Variants in NOP9 observed in about 807,000 individuals in gnomAD.
The protein encoded by NOP9 is nucleolar protein 9.
In NOP9, 50 loss-of-function variants were observed where a neutral mutation model predicts 63.0. The observed-to-expected ratio is 0.79, with a 90% confidence interval of 0.63 to 1.00. NOP9 has a LOEUF of 1.00. Among genes scored for constraint, NOP9 ranks in the 50% least tolerant of loss-of-function variants. The probability of loss-of-function intolerance (pLI) is 0.00; values close to 1 mark genes in which losing one functional copy is unlikely to be tolerated. For missense variants in NOP9, 758 were observed against 803.0 expected (o/e 0.94, Z 0.68); for synonymous variants, 343 against 332.8 (o/e 1.03, Z -0.33).
Position 24,304,964 on chromosome 14 carries a change from G to C in NOP9, c.1780G>C (p.Asp594His). The C allele has an allele frequency of 6.4e-7, 1 of 1,572,252 alleles. No homozygotes were observed. The highest frequency in any genetic ancestry group is 8.6e-7 in the Non-Finnish European group (1 of 1,161,338). The change falls in exon 10 of 10, where the codon GAC becomes CAC. Residue 594 changes from aspartate (D) to histidine (H), a missense_variant. By Grantham distance (81) the Asp-to-His change is moderately conservative. Transcript: ENST00000267425. ...LGEQNQELIR[D>H]PFGHHVARNV... ...GGAGCAGAACCAGGAGCTGATAAGA[G>C]ACCCTTTCGGCCACCATGTGGCTCG...
At chr14:24,287,859 T>C in the NOP9 span, among the ~76,000 whole-genome samples, 2 of 152,222 alleles carry the variant, frequency 1.3e-5, no homozygotes, top group Non-Finnish European at 2.9e-5. Flanking sequence ...TCTTCCCTGG[T>C]GTCTTGCATG....
At position 24,307,069 on chromosome 14, in the gene NOP9, A is replaced by G. The variant is rs1055549706; in HGVS notation, c.*1974A>G. ...AACTTCCCAAGGTTTGACAGGCAGG[A>G]AGTGGCAGAATCAGAATTTGAACTT... On this transcript the variant is annotated 3_prime_UTR_variant, in exon 10 of 10. Transcript: ENST00000267425. 3.5e-5 allele frequency: 11 copies of G among 309,912 alleles called. No individual in the cohort carries two copies. Among genetic ancestry groups the G allele is most frequent in the African/African-American group, 2.1e-4 (10 of 46,594 alleles). The allele number at this position is 309,912 out of a possible 1,614,324, so 19.2% of individuals were successfully genotyped here.
At position 24,306,058 on chromosome 14, in the gene NOP9, T is replaced by C. The variant is rs768385764; in HGVS notation, c.*963T>C. The stretch of plus-strand genomic sequence containing the variant: ...AAAGAGGTCTCGAGGGTTTTGCTTG[T>C]ACACGTCAAAGGTGAATCGGGCGAT... On this transcript the variant is annotated 3_prime_UTR_variant, in exon 10 of 10. Coordinates refer to ENST00000267425, the MANE Select transcript of NOP9 (RefSeq NM_174913.3). 6.2e-7 allele frequency: 1 copy of C among 1,614,172 alleles called. No homozygotes were observed. Among genetic ancestry groups the C allele is most frequent in the South Asian group, 1.1e-5 (1 of 91,084 alleles).
At chr14:24,278,327 C>G in the NOP9 span, among the ~76,000 whole-genome samples, 1 of 152,170 alleles carries the variant, frequency 6.6e-6, no homozygotes, top group Non-Finnish European at 1.5e-5. Context: ...TGTGGGGGTG[C>G]TGGTGGGATA....
At chr14:24,290,843 T>C in the NOP9 span, 1 of 1,613,284 alleles carries the variant, frequency 6.2e-7, no homozygotes, top group Non-Finnish European at 8.5e-7. Flanking sequence ...AGAGACGTAG[T>C]GTCAGACCAG....
the NOP9 span, chr14:24,290,924 A>C: frequency 1.2e-6 from 2 of 1,614,078 alleles, no homozygotes; most frequent in Non-Finnish European, 1.7e-6. Flanking sequence ...GGCAGGTAGG[A>C]GGCCAGCCAG....
chr14:24,303,945 G>A, intron 7 of NOP9, 88 bp downstream of exon 7: 1 of 1,587,668 alleles, frequency 6.3e-7, no homozygotes, highest in South Asian at 1.1e-5. Context: ...AGGTGAGAGT[G>A]GTGACTTCAT....
chr14:24,304,247 G>A lies in NOP9; in HGVS notation c.1617G>A (p.Lys539=). 6.2e-7 allele frequency: 1 copy of A among 1,614,050 alleles called. No homozygotes were observed. The highest frequency in any genetic ancestry group is 8.5e-7 in the Non-Finnish European group (1 of 1,180,010). The change falls in exon 8 of 10, where the codon AAG becomes AAA. Residue 539 remains lysine (K), a synonymous_variant. Transcript: ENST00000267425. ...AILTSPSVTR[K]LRRRVLQNLK... ...TGACCAGCCCCTCTGTGACGCGCAA[G>A]CTGCGCCGCCGTGTGCTGCAGAACC...
At position 24,308,705 on chromosome 14, in the gene NOP9, GTGA is replaced by G. The variant is rs2041597398; in HGVS notation, c.*3613_*3615del. On this transcript the variant is annotated 3_prime_UTR_variant, in exon 10 of 10. Transcript: ENST00000267425. ...CCCAGCTCTGATTTCAGTTGCAGCC[GTGA>G]TGGACAGTTGCATGGAAGCTGAGAC... The G allele has an allele frequency of 1.3e-5, 2 of 152,248 alleles. No homozygotes were observed. Among genetic ancestry groups the G allele is most frequent in the African/African-American group, 4.8e-5 (2 of 41,444 alleles). The allele number at this position is 152,248 out of a possible 1,614,324, so 9.4% of individuals were successfully genotyped here. A position where few individuals can be genotyped will look rare whatever the true frequency, so the allele number is the denominator to read the frequency against.
At chr14:24,302,950 GA>G in intron 5 of NOP9, 123 bp from the exon 6 acceptor site, 1 of 1,190,148 alleles carries the variant, frequency 8.4e-7, no homozygotes, top group South Asian at 1.7e-5. Flanking sequence ...CAAAAGTCCT[GA>G]TACTGGCAAT....
the NOP9 span, among the ~76,000 whole-genome samples, chr14:24,288,802 A>G: frequency 1.0e-2 from 1,520 of 152,230 alleles, 15 homozygotes; most frequent in Non-Finnish European, 0.016. Context: ...TTAGGAGACA[A>G]TGCCATCATG....
Position 24,306,538 on chromosome 14 carries a change from G to A in NOP9, c.*1443G>A, listed in dbSNP as rs762240094. 1 of 1,614,218 alleles carries A rather than the reference G, an allele frequency of 6.2e-7. No homozygotes were observed. Among genetic ancestry groups the A allele is most frequent in the Non-Finnish European group, 8.5e-7 (1 of 1,180,026 alleles). ...GTCTCCAATGCCTGCCCAATGGCAA[G>A]AAGCAAGAAGGGCAGGTCTTATCCC... On this transcript the variant is annotated 3_prime_UTR_variant, in exon 10 of 10. Transcript: ENST00000267425.
chr14:24,301,502 T>A, intron 2 of NOP9, 110 bp from the exon 3 acceptor site: 2 of 1,314,960 alleles, frequency 1.5e-6, no homozygotes. Flanking sequence ...TTAGTTGTAC[T>A]ACATCTGTTC....
At position 24,299,879 on chromosome 14, in the gene NOP9, G is replaced by A; in HGVS notation, c.-76G>A. 6.8e-7 allele frequency: 1 copy of A among 1,478,476 alleles called. No homozygotes were observed. The highest frequency in any genetic ancestry group is 9.0e-7 in the Non-Finnish European group (1 of 1,117,124). The allele number at this position is 1,478,476 out of a possible 1,614,324, so 91.6% of individuals were successfully genotyped here. A position where few individuals can be genotyped will look rare whatever the true frequency, so the allele number is the denominator to read the frequency against. On this transcript the variant is annotated 5_prime_UTR_variant, in exon 1 of 10. Transcript: ENST00000267425. ...GCGTTTCTAAACTTTGTCTGGATAA[G>A]GCGCACGCTTGGCGACGTCGAAGGT...
chr14:24,275,703 G>A, the NOP9 span, among the ~76,000 whole-genome samples: 25 of 152,372 alleles, frequency 1.6e-4, no homozygotes, highest in Admixed American at 7.2e-4. Flanking sequence ...GTCAAAGCTT[G>A]GCTAGAAGCC....
the NOP9 span, chr14:24,292,344 G>C: frequency 6.2e-7 from 1 of 1,613,620 alleles, no homozygotes; most frequent in Non-Finnish European, 8.5e-7. Context: ...TGGAGAGGCG[G>C]AAGGCAGGGT....
the NOP9 span, chr14:24,292,660 T>C: frequency 2.2e-5 from 36 of 1,614,236 alleles, no homozygotes; most frequent in Middle Eastern, 1.3e-3. Flanking sequence ...ACCGCAGCTT[T>C]GCCCACACCA....
the NOP9 span, among the ~76,000 whole-genome samples, chr14:24,283,905 C>G: frequency 7.9e-5 from 12 of 152,386 alleles, no homozygotes; most frequent in Admixed American, 3.9e-4. Flanking sequence ...CCTGAGGTGA[C>G]TTCTGCCTCT....
Position 24,308,041 on chromosome 14 carries a change from G to A in NOP9, c.*2946G>A. The A allele has an allele frequency of 3.2e-6, 2 of 631,440 alleles. No individual in the cohort carries two copies. Among genetic ancestry groups the A allele is most frequent in the Admixed American group, 5.2e-5 (2 of 38,790 alleles). The allele number at this position is 631,440 out of a possible 1,614,324, so 39.1% of individuals were successfully genotyped here. ...AAGAAGGGCAAAGTCCAAGGGGAGG[G>A]ATGAGGGAGGGGCCAGATGGGGTCC... On this transcript the variant is annotated 3_prime_UTR_variant, in exon 10 of 10. Coordinates refer to ENST00000267425, the MANE Select transcript of NOP9 (RefSeq NM_174913.3).
Sources: allele counts gnomAD v4.1 joint callset (sites outside exome capture counted in the v4.1 genomes callset), GRCh38; gene constraint gnomAD v4.1.1; transcripts MANE v1.5; gene names NCBI Gene and HGNC (gene_info 2026-07-23, HGNC 2026-07-21).